The following LMBR1 variants were observed in gnomAD, a reference collection of about 807,000 sequenced individuals.
LMBR1 encodes limb development membrane protein 1.
Under a neutral mutation model 73.9 loss-of-function variants are expected in LMBR1, and 52 were observed. The ratio of observed to expected loss-of-function variants is 0.70; its 90% CI spans 0.56 to 0.89. The LOEUF is 0.89. Among genes scored for constraint, LMBR1 ranks in the 40% least tolerant of loss-of-function variants. LMBR1 has a pLI of 0.00. For synonymous variants in LMBR1, 215 were observed against 209.4 expected, an observed-to-expected ratio of 1.03 and a Z score of -0.23; for missense variants, 539 against 579.8, an observed-to-expected ratio of 0.93 and a Z score of 0.72.
At chr7:156,773,442 ATAC>A (rs1209794074) in intron 5 of LMBR1, among the ~76,000 whole-genome samples, 3 of 152,232 alleles carry the variant, frequency 2.0e-5, no homozygotes, top group African/African-American at 7.2e-5. Flanking sequence ...ACTTCAAACT[ATAC>A]TACAAGGCTA....
At chr7:156,832,756 C>G (rs892981870) in intron 3 of LMBR1, among the ~76,000 whole-genome samples, 2 of 152,188 alleles carry the variant, frequency 1.3e-5, no homozygotes, top group Non-Finnish European at 2.9e-5. Flanking sequence ...GCAAAGGATG[C>G]ATAATCTGAT....
chr7:156,797,690 G>T (rs1033089902), intron 4 of LMBR1, among the ~76,000 whole-genome samples: 1 of 152,178 alleles, frequency 6.6e-6, no homozygotes, highest in Non-Finnish European at 1.5e-5. Flanking sequence ...GGAATAGCAT[G>T]GAGTATAAAC....
At chr7:156,722,753 G>A (rs1005310539) in intron 15 of LMBR1, among the ~76,000 whole-genome samples, 7 of 151,820 alleles carry the variant, frequency 4.6e-5, no homozygotes, top group African/African-American at 1.7e-4. Flanking sequence ...AACTACTCTG[G>A]AATTTAATTT....
downstream of LMBR1, among the ~76,000 whole-genome samples, chr7:156,673,968 C>T (rs982755419): frequency 2.0e-5 from 3 of 151,820 alleles, no homozygotes; most frequent in Non-Finnish European, 1.5e-5. Flanking sequence ...TATTTGAAAC[C>T]TGGACAGTCA....
intron 1 of LMBR1, among the ~76,000 whole-genome samples, chr7:156,881,524 T>G (rs987742703): frequency 6.6e-6 from 1 of 152,024 alleles, no homozygotes; most frequent in African/African-American, 2.4e-5. Flanking sequence ...TACAGCAAAG[T>G]AGACAATCAA....
At chr7:156,725,294 GA>G in intron 14 of LMBR1, 140 bp downstream of exon 14, 1 of 567,934 alleles carries the variant, frequency 1.8e-6, no homozygotes, top group Non-Finnish European at 3.2e-6. Context: ...TCAGCATTTT[GA>G]AAATCTTCCA....
chr7:156,671,676 C>T (rs1802571461), intron 4 of LMBR1, among the ~76,000 whole-genome samples: 1 of 152,146 alleles, frequency 6.6e-6, no homozygotes, highest in Non-Finnish European at 1.5e-5. Flanking sequence ...GCGGTCCTGT[C>T]GCCCAGCTCA....
chr7:156,755,439 T>C (rs919326171), intron 9 of LMBR1, among the ~76,000 whole-genome samples: 2 of 152,236 alleles, frequency 1.3e-5, no homozygotes, highest in African/African-American at 4.8e-5. Flanking sequence ...TCCTTATCTG[T>C]GAAACAGAAA....
chr7:156,830,523 A>G (rs1406637297), intron 3 of LMBR1, among the ~76,000 whole-genome samples: 3 of 152,206 alleles, frequency 2.0e-5, no homozygotes, highest in South Asian at 4.1e-4. Flanking sequence ...AGAAAGTTTC[A>G]TATTTAGCAT....
At chr7:156,791,044 C>T (rs1179344374) in intron 5 of LMBR1, among the ~76,000 whole-genome samples, 1 of 152,096 alleles carries the variant, frequency 6.6e-6, no homozygotes. Context: ...TAGAGGATTT[C>T]TATTAATAAA....
At chr7:156,840,141 AT>A (rs1466909262) in intron 1 of LMBR1, among the ~76,000 whole-genome samples, 1 of 152,186 alleles carries the variant, frequency 6.6e-6, no homozygotes, top group East Asian at 1.9e-4. Context: ...AATAAAAACA[AT>A]TTTTACTGTG....
At chr7:156,810,686 C>T (rs1479390267) in intron 4 of LMBR1, among the ~76,000 whole-genome samples, 2 of 152,106 alleles carry the variant, frequency 1.3e-5, no homozygotes, top group Non-Finnish European at 2.9e-5. Flanking sequence ...AGCCACCATG[C>T]CTGGCCCTGG....
intron 5 of LMBR1, among the ~76,000 whole-genome samples, chr7:156,766,755 C>T (rs1249461758): frequency 6.6e-6 from 1 of 152,086 alleles, no homozygotes; most frequent in Non-Finnish European, 1.5e-5. Context: ...TGACAGTCTG[C>T]AGGCTGAGGT....
chr7:156,871,460 T>C (rs2134318793), intron 1 of LMBR1, among the ~76,000 whole-genome samples: 1 of 152,342 alleles, frequency 6.6e-6, no homozygotes. Context: ...AGCATTTCCC[T>C]GATACCAAAG....
At chr7:156,757,949 T>C (rs1212868040) in intron 8 of LMBR1, among the ~76,000 whole-genome samples, 2 of 151,962 alleles carry the variant, frequency 1.3e-5, no homozygotes, top group Non-Finnish European at 2.9e-5. Context: ...AATACTAAAA[T>C]AATAATCAAC....
chr7:156,700,415 G>C (rs1809400629), intron 15 of LMBR1, among the ~76,000 whole-genome samples: 2 of 151,630 alleles, frequency 1.3e-5, no homozygotes, highest in African/African-American at 4.9e-5. Flanking sequence ...GGGGGGGAGG[G>C]ATAGCATTAG....
In LMBR1 at chr7:156,669,693, C is replaced by A. The variant is rs1051429246; in HGVS notation, n.867-406G>T. 1.3e-5 allele frequency among the ~76,000 whole-genome samples: 2 copies of A among 152,208 alleles called. No individual in the cohort carries two copies. The highest frequency in any genetic ancestry group is 2.4e-5 in the African/African-American group (1 of 41,454). On this transcript the variant is annotated intron_variant and non_coding_transcript_variant, in intron 4 of 4. Coordinates refer to the LMBR1 transcript ENST00000430825. The surrounding 1 kb of genome is among the most constrained non-coding windows in gnomAD (Gnocchi z 4.2). ...GGATGCGAGGTCAGCAGCTGGGACC[C>A]AGACCAAAGAGGGTGAAGAGGGCAG...
intron 1 of LMBR1, among the ~76,000 whole-genome samples, chr7:156,859,974 T>A (rs1019573389): frequency 6.6e-6 from 1 of 152,260 alleles, no homozygotes; most frequent in Non-Finnish European, 1.5e-5. Flanking sequence ...AGAGAGTTGA[T>A]AAATAAACCC....
intron 4 of LMBR1, among the ~76,000 whole-genome samples, chr7:156,824,208 T>G (rs1297734671): frequency 6.6e-6 from 1 of 152,194 alleles, no homozygotes; most frequent in Non-Finnish European, 1.5e-5. Flanking sequence ...CTATATTCTG[T>G]ATAGTGAGCA....
Sources: gnomAD v4.1 joint callset for allele counts (sites outside exome capture counted in the v4.1 genomes callset) on GRCh38, gnomAD v4.1.1 for gene constraint, Gnocchi (gnomAD v3.1) non-coding constraint, MANE v1.5 for transcripts, NCBI Gene and HGNC (gene_info 2026-07-23, HGNC 2026-07-21) for gene names.